Variants in LHPP observed in about 807,000 individuals in gnomAD.
LHPP encodes the protein hLHPP.
Under a neutral mutation model 30.3 loss-of-function variants are expected in LHPP, and 24 were observed. The observed-to-expected ratio is 0.79, with a 90% CI of 0.57 to 1.11. The LOEUF is 1.11. Among genes scored for constraint, LHPP ranks in the 50% most tolerant of loss-of-function variants. The pLI, the probability that LHPP is intolerant of heterozygous loss-of-function variation, is 0.00. For missense variants in LHPP, 356 were observed against 367.2 expected (o/e 0.97, Z 0.25); for synonymous variants, 150 against 157.1 (o/e 0.95, Z 0.34).
chr10:124,479,895 A>G (rs1589768927), intron 1 of LHPP, among the ~76,000 whole-genome samples: 1 of 152,152 alleles, frequency 6.6e-6, no homozygotes, highest in Non-Finnish European at 1.5e-5. Flanking sequence ...AGTGGAGATA[A>G]TGGTTCTTGC....
chr10:124,482,786 C>T (rs572035896), intron 1 of LHPP, among the ~76,000 whole-genome samples: 4 of 152,208 alleles, frequency 2.6e-5, no homozygotes, highest in Non-Finnish European at 4.4e-5. Context: ...CTTCCTACCC[C>T]ACCTTGTCAC....
intron 6 of LHPP, among the ~76,000 whole-genome samples, chr10:124,574,301 G>A (rs759129378): frequency 1.3e-5 from 2 of 152,176 alleles, no homozygotes; most frequent in African/African-American, 4.8e-5. Flanking sequence ...CGTGAGCCGG[G>A]AGCATCGCCA....
chr10:124,585,638 A>G (rs1948795666), intron 6 of LHPP, among the ~76,000 whole-genome samples: 1 of 152,004 alleles, frequency 6.6e-6, no homozygotes, highest in South Asian at 2.1e-4. Flanking sequence ...GAAAAAGAAA[A>G]AAAAGAAAAG....
chr10:124,574,061 G>A (rs1284643044), intron 6 of LHPP, among the ~76,000 whole-genome samples: 1 of 152,128 alleles, frequency 6.6e-6, no homozygotes, highest in Admixed American at 6.5e-5. Context: ...CAGGGGACAC[G>A]AAGCCCTGGT....
chr10:124,551,405 C>A (rs1948162844), intron 6 of LHPP, among the ~76,000 whole-genome samples: 1 of 152,218 alleles, frequency 6.6e-6, no homozygotes, highest in African/African-American at 2.4e-5. Context: ...GACCCCAGCA[C>A]CCCTTCCCCA....
chr10:124,555,491 C>T (rs939485561), intron 6 of LHPP, among the ~76,000 whole-genome samples: 1 of 152,166 alleles, frequency 6.6e-6, no homozygotes. Flanking sequence ...GCTACCCACC[C>T]AACCTGTGTC....
At chr10:124,515,029 T>C (rs1463576234) in intron 5 of LHPP, among the ~76,000 whole-genome samples, 1 of 152,020 alleles carries the variant, frequency 6.6e-6, no homozygotes, top group African/African-American at 2.4e-5. Flanking sequence ...CTTGGACTCC[T>C]GGGCTCAAGT....
chr10:124,542,638 G>C (rs1162511908), intron 6 of LHPP, among the ~76,000 whole-genome samples: 1 of 152,180 alleles, frequency 6.6e-6, no homozygotes. Context: ...GTTACCAGAA[G>C]ACCTTGGTCC....
In LHPP at chr10:124,473,983, C is replaced by CT. The variant is rs200132699; in HGVS notation, c.126-10147dup. Among the ~76,000 whole-genome samples the CT allele has an allele frequency of 2.2e-3, 329 of 150,826 alleles. 2 individuals carry two copies. Among genetic ancestry groups the CT allele is most frequent in the African/African-American group, 7.5e-3 (310 of 41,130 alleles). The stretch of plus-strand genomic sequence containing the variant: ...AAAACAAACAAAAGCCAACGTTTTC[C>CT]TTTTTTTTTAAGTTTTTGTTTTCTT... On this transcript the variant is annotated intron_variant, in intron 1 of 6. Transcript: ENST00000368842.
At chr10:124,473,352 G>T (rs1373545250) in intron 1 of LHPP, among the ~76,000 whole-genome samples, 1 of 152,204 alleles carries the variant, frequency 6.6e-6, no homozygotes, top group Non-Finnish European at 1.5e-5. Flanking sequence ...GGAACTTAAG[G>T]TTCACAGAAG....
intron 6 of LHPP, among the ~76,000 whole-genome samples, chr10:124,594,854 T>C (rs183643772): frequency 2.0e-5 from 3 of 152,206 alleles, no homozygotes; most frequent in Non-Finnish European, 4.4e-5. Flanking sequence ...TGGTCTTGAA[T>C]GCCTGATCTC....
chr10:124,506,530 C>A (rs1249578788), intron 5 of LHPP, among the ~76,000 whole-genome samples: 1 of 151,346 alleles, frequency 6.6e-6, no homozygotes. Context: ...GATTACTTTG[C>A]CAATGAGGAG....
intron 6 of LHPP, among the ~76,000 whole-genome samples, chr10:124,518,315 G>A (rs1156414505): frequency 1.3e-5 from 2 of 152,222 alleles, no homozygotes; most frequent in African/African-American, 2.4e-5. Flanking sequence ...CTAAGGGAGT[G>A]AGGGAGACCC....
Position 124,480,011 on chromosome 10 carries a change from C to T in LHPP, c.126-4128C>T, listed in dbSNP as rs759910547. Among the ~76,000 whole-genome samples the T allele has an allele frequency of 3.4e-4, 52 of 152,180 alleles. 1 individual carries two copies. Among genetic ancestry groups the T allele is most frequent in the Admixed American group, 1.5e-3 (23 of 15,276 alleles). On this transcript the variant is annotated intron_variant, in intron 1 of 6. Coordinates refer to ENST00000368842, the MANE Select transcript of LHPP (RefSeq NM_022126.4). ...TTAGGGACAGCAAATACCTTGGGCA[C>T]GAGGACAAAATCAGATCATGGATCC...
chr10:124,498,553 TC>T, intron 5 of LHPP: 2 of 1,267,046 alleles, frequency 1.6e-6, no homozygotes, highest in East Asian at 2.5e-5. Context: ...CTTTCAAACT[TC>T]CAAATTTTAG....
chr10:124,506,085 A>C (rs1954055832), intron 5 of LHPP, among the ~76,000 whole-genome samples: 1 of 152,070 alleles, frequency 6.6e-6, no homozygotes, highest in Admixed American at 6.6e-5. Context: ...CTCTACAAAA[A>C]AATACAAAAA....
At chr10:124,511,969 C>G (rs1488783069) in intron 5 of LHPP, among the ~76,000 whole-genome samples, 1 of 151,992 alleles carries the variant, frequency 6.6e-6, no homozygotes, top group East Asian at 2.0e-4. Context: ...GAGCAAAGCT[C>G]AGAACCTCAC....
chr10:124,537,815 A>G (rs1253862753), intron 6 of LHPP, among the ~76,000 whole-genome samples: 2 of 152,216 alleles, frequency 1.3e-5, no homozygotes. Context: ...TTTAGGCTGC[A>G]TGGACACAAG....
chr10:124,493,444 G>A (rs532678464), intron 3 of LHPP, among the ~76,000 whole-genome samples: 68 of 152,312 alleles, frequency 4.5e-4, no homozygotes, highest in African/African-American at 1.6e-3. Flanking sequence ...GGGTGGAGGC[G>A]CCGGGGCAGA....
Sources: allele counts gnomAD v4.1 joint callset (sites outside exome capture counted in the v4.1 genomes callset), GRCh38; gene constraint gnomAD v4.1.1; transcripts MANE v1.5; gene names NCBI Gene and HGNC (gene_info 2026-07-23, HGNC 2026-07-21).